P3H2: variants seen among roughly 807,000 people sequenced by gnomAD.
P3H2 encodes the protein leprecan-like 1.
Under a neutral mutation model 87.0 loss-of-function variants are expected in P3H2, and 80 were observed. The ratio of observed to expected loss-of-function variants is 0.92; its 90% CI spans 0.77 to 1.11. P3H2 has a LOEUF of 1.11. Among genes scored for constraint, P3H2 ranks in the 50% least tolerant of loss-of-function variants. P3H2 has a pLI of 0.00. For synonymous variants in P3H2, 367 were observed against 359.3 expected, an observed-to-expected ratio of 1.02 and a Z score of -0.24; for missense variants, 1,001 against 923.9, an observed-to-expected ratio of 1.08 and a Z score of -1.08.
At chr3:190,001,872 T>C (rs967873179) in intron 1 of P3H2, among the ~76,000 whole-genome samples, 5 of 152,180 alleles carry the variant, frequency 3.3e-5, no homozygotes, top group African/African-American at 7.2e-5. Flanking sequence ...TAGAACCAAA[T>C]AAATAAATAC....
intron 1 of P3H2, among the ~76,000 whole-genome samples, chr3:190,079,129 T>C (rs575997941): frequency 5.9e-5 from 9 of 152,064 alleles, no homozygotes; most frequent in African/African-American, 2.2e-4. Flanking sequence ...CCACCTAAGG[T>C]CAGGAGTTCA....
chr3:190,122,091 AAAAC>A (rs1451383315), upstream of P3H2: 5 of 148,956 alleles, frequency 3.4e-5, no homozygotes, highest in Non-Finnish European at 7.4e-5. Flanking sequence ...AAAAACAAAA[AAAAC>A]AAAGAAAAAG....
At chr3:190,057,738 TA>T (rs1323546223) in intron 1 of P3H2, among the ~76,000 whole-genome samples, 1 of 152,100 alleles carries the variant, frequency 6.6e-6, no homozygotes, top group Non-Finnish European at 1.5e-5. Context: ...TATATTTCAA[TA>T]AAAACCCAAA....
At chr3:190,064,351 T>C (rs1372891503) in intron 1 of P3H2, among the ~76,000 whole-genome samples, 1 of 151,964 alleles carries the variant, frequency 6.6e-6, no homozygotes, top group Non-Finnish European at 1.5e-5. Flanking sequence ...TTGGCTACAC[T>C]TCAGTAACTT....
intron 1 of P3H2, among the ~76,000 whole-genome samples, chr3:190,026,294 G>A (rs1227778327): frequency 1.3e-5 from 2 of 152,130 alleles, no homozygotes; most frequent in African/African-American, 4.8e-5. Context: ...CTTGAGTAGT[G>A]GCTGGGTAAA....
intron 1 of P3H2, among the ~76,000 whole-genome samples, chr3:190,091,367 A>T (rs1395990570): frequency 6.6e-6 from 1 of 152,208 alleles, no homozygotes; most frequent in Non-Finnish European, 1.5e-5. Flanking sequence ...TGTTACCTTA[A>T]CAGTAACTTC....
At position 189,969,527 on chromosome 3, in the gene P3H2, T is replaced by C. The variant is rs74499333; in HGVS notation, c.1893+1289A>G. 2.4e-3 allele frequency: 2,857 copies of C among 1,206,238 alleles called. 46 individuals carry two copies. In the African/African-American group the frequency reaches 0.037, roughly 16 times the overall value. The allele number at this position is 1,206,238 out of a possible 1,614,324, so 74.7% of individuals were successfully genotyped here. On this transcript the variant is annotated intron_variant, in intron 13 of 14. Coordinates refer to ENST00000319332, the MANE Select transcript of P3H2 (RefSeq NM_018192.4). ...TCTCATACTGGTCCTGTCAATGAAC[T>C]GATCAATAATGACAATATCGCCAGG...
At chr3:190,013,911 T>G (rs1724672061) in intron 1 of P3H2, among the ~76,000 whole-genome samples, 1 of 152,214 alleles carries the variant, frequency 6.6e-6, no homozygotes, top group Non-Finnish European at 1.5e-5. Flanking sequence ...TCAGTAAATG[T>G]TAGCTTTGAT....
rs869099221 is a variant in P3H2, at chr3:189,973,511, C to CTTTT, written c.1548+394_1548+397dup. Among the ~76,000 whole-genome samples, 113 of 35,456 alleles carry CTTTT rather than the reference C, an allele frequency of 3.2e-3. 1 individual carries two copies. Among genetic ancestry groups the CTTTT allele is most frequent in the African/African-American group, 4.9e-3 (51 of 10,312 alleles). 23.3% of individuals were successfully genotyped at this position (35,456 alleles called of 152,430 possible). ...AACTTTTTTCTTTCTTTCTTTCTTT[C>CTTTT]TTTTTTTTTTTTTTTTTTTTTTTTT... On this transcript the variant is annotated intron_variant, in intron 10 of 14. Transcript: ENST00000319332.
intron 10 of P3H2, chr3:189,973,258 T>C: frequency 3.8e-6 from 2 of 520,978 alleles, no homozygotes; most frequent in African/African-American, 1.9e-5. Flanking sequence ...TCTATTATAA[T>C]ATGTTCTACC....
At chr3:190,014,323 A>G (rs1006454986) in intron 1 of P3H2, among the ~76,000 whole-genome samples, 1 of 152,262 alleles carries the variant, frequency 6.6e-6, no homozygotes, top group African/African-American at 2.4e-5. Flanking sequence ...AGAAAAGTAG[A>G]TAGGTGATCC....
intron 3 of P3H2, among the ~76,000 whole-genome samples, chr3:189,990,944 G>A (rs1026606583): frequency 1.3e-5 from 2 of 152,088 alleles, no homozygotes; most frequent in Non-Finnish European, 2.9e-5. Flanking sequence ...GGAAATCGTC[G>A]GTCCATTTTC....
intron 1 of P3H2, among the ~76,000 whole-genome samples, chr3:190,110,976 T>C (rs1055177739): frequency 1.3e-5 from 2 of 152,252 alleles, no homozygotes; most frequent in Non-Finnish European, 2.9e-5. Flanking sequence ...TATTTGTAGA[T>C]AATGAATTCC....
At chr3:190,117,978 C>T (rs1042988636) in intron 1 of P3H2, among the ~76,000 whole-genome samples, 3 of 152,144 alleles carry the variant, frequency 2.0e-5, no homozygotes, top group Admixed American at 1.3e-4. Flanking sequence ...CACGAAGCCA[C>T]GGATCTTTGA....
intron 1 of P3H2, among the ~76,000 whole-genome samples, chr3:190,012,768 G>C (rs1011138133): frequency 1.3e-5 from 2 of 152,068 alleles, no homozygotes; most frequent in Admixed American, 1.3e-4. Context: ...ATCATCCACT[G>C]TTATGTCTGT....
chr3:189,969,672 G>T, intron 13 of P3H2: 1 of 1,238,534 alleles, frequency 8.1e-7, no homozygotes, highest in Non-Finnish European at 1.2e-6. Context: ...ATGGTGTGCT[G>T]CCTCCCATGC....
intron 2 of P3H2, 58 bp downstream of exon 2, chr3:189,995,232 G>C: frequency 6.4e-7 from 1 of 1,550,578 alleles, no homozygotes. Flanking sequence ...CTGTGACTCA[G>C]ATGAAACTTA....
intron 3 of P3H2, 39 bp from the exon 4 acceptor site, chr3:189,989,077 G>A (rs1231193651): frequency 1.9e-6 from 3 of 1,613,030 alleles, no homozygotes; most frequent in Non-Finnish European, 2.5e-6. Flanking sequence ...CCTCCAGGTT[G>A]CTGAGTGCCC....
At chr3:190,095,625 G>T (rs1356733086) in intron 1 of P3H2, among the ~76,000 whole-genome samples, 1 of 148,058 alleles carries the variant, frequency 6.8e-6, no homozygotes, top group African/African-American at 2.5e-5. Flanking sequence ...CTTTAAAACG[G>T]AGTCTCGCTC....
Sources: allele counts gnomAD v4.1 joint callset (sites outside exome capture counted in the v4.1 genomes callset), GRCh38; gene constraint gnomAD v4.1.1; transcripts MANE v1.5; gene names NCBI Gene and HGNC (gene_info 2026-07-23, HGNC 2026-07-21).